Variants in PIGT observed in about 807,000 individuals in gnomAD.
The protein encoded by PIGT is GPI-anchor transamidase component PIGT.
A neutral mutation model predicts 66.7 loss-of-function variants in PIGT; 57 were observed. The ratio of observed to expected loss-of-function variants is 0.86; its 90% CI spans 0.69 to 1.07. The LOEUF is 1.07. PIGT is among the 50% of genes least tolerant of loss of function. PIGT has a pLI of 0.00. For synonymous variants in PIGT, 362 were observed against 320.5 expected, an observed-to-expected ratio of 1.13 and a Z score of -1.38; for missense variants, 725 against 740.4, an observed-to-expected ratio of 0.98 and a Z score of 0.24.
chr20:45,416,972 A>C, intron 2 of PIGT: 1 of 316,536 alleles, frequency 3.2e-6, no homozygotes, highest in Non-Finnish European at 5.8e-6. Context: ...TGGCAACTGG[A>C]TAACCTTTTA....
In PIGT at chr20:45,418,845, T is replaced by C. The variant is rs1157441158; in HGVS notation, c.366-7T>C. The C allele has an allele frequency of 1.2e-6, 2 of 1,613,682 alleles. No homozygotes were observed. Among genetic ancestry groups the C allele is most frequent in the Non-Finnish European group, 1.7e-6 (2 of 1,179,756 alleles). On this transcript the variant is annotated splice_polypyrimidine_tract_variant and splice_region_variant and intron_variant, in intron 2 of 11. Transcript: ENST00000279036. Reference sequence around the variant, plus strand: ...AGGACAGTGAGTGGATTTGTGTCTCTATCCAGTGTGGATAAATCTTGGAAG... The same window carrying C: ...AGGACAGTGAGTGGATTTGTGTCTCCATCCAGTGTGGATAAATCTTGGAAG...
intron 2 of PIGT, chr20:45,418,189 C>T (rs981596861): frequency 1.3e-5 from 2 of 154,092 alleles, no homozygotes; most frequent in African/African-American, 2.4e-5. Flanking sequence ...AGACTTCTCA[C>T]CATGATAGTA....
rs1990577886 is a variant in PIGT, at chr20:45,424,386, G to T, written c.1400+5G>T. On this transcript the variant is annotated splice_donor_5th_base_variant and intron_variant, in intron 10 of 11. Coordinates refer to ENST00000279036, the MANE Select transcript of PIGT (RefSeq NM_015937.6). ...TAACCATGGCTTCTATGTCAGGTGG[G>T]CTCCACCCCCACAGGCCACCTCTCA... 6.2e-7 allele frequency: 1 copy of T among 1,614,032 alleles called. No individual in the cohort carries two copies. Among genetic ancestry groups the T allele is most frequent in the East Asian group, 2.2e-5 (1 of 44,878 alleles).
Position 45,416,269 on chromosome 20 carries a change from C to A in PIGT, c.113C>A (p.Pro38Gln), listed in dbSNP as rs1218912444. The change falls in exon 1 of 12, where the codon CCG (proline) becomes CAG (glutamine). Residue 38 changes from proline (P) to glutamine (Q), a missense_variant. By Grantham distance (76) the Pro-to-Gln change is moderately conservative. Around this residue, in one of 3 missense-constraint regions of PIGT, gnomAD observed 559 missense variants for 552.7 expected, o/e 1.01. Transcript: ENST00000279036. ...CTGCGGGAGGAACTTGTCATCACCC[C>A]GCTGCCTTCCGGGGACGTAGCCGCC... ...DSLREELVIT[P>Q]LPSGDVAATF... The A allele has an allele frequency of 1.9e-6, 3 of 1,594,660 alleles. No individual in the cohort carries two copies. The highest frequency in any genetic ancestry group is 1.8e-5 in the Admixed American group (1 of 57,108).
rs1412564068 is a variant in PIGT, at chr20:45,416,212, G to T, written c.56G>T (p.Gly19Val). 6.3e-7 allele frequency: 1 copy of T among 1,594,000 alleles called. No individual in the cohort carries two copies. Among genetic ancestry groups the T allele is most frequent in the East Asian group, 2.3e-5 (1 of 43,556 alleles). Residue 19 changes from glycine (G) to valine (V), a missense_variant, in exon 1 of 12, where the codon GGC (glycine) becomes GTC (valine). Around this residue, in one of 3 missense-constraint regions of PIGT, gnomAD observed 559 missense variants for 552.7 expected, o/e 1.01. Coordinates refer to ENST00000279036, the MANE Select transcript of PIGT (RefSeq NM_015937.6). ...GTCCTGTTGCTCCTGGGGCCCGGCG[G>T]CTGGTGCCTTGCAGAACCCCCACGC... ...LLVLLLLGPG[G>V]WCLAEPPRDS...
Position 45,416,526 on chromosome 20 carries a change from A to G in PIGT, c.197A>G (p.Tyr66Cys), listed in dbSNP as rs1989985883. ...SELQREGVSH[Y>C]RLFPKALGQL... ...GCTCCCGTTTCCCCAGTGTCCCATTACAGGCTCTTTCCCAAAGCCCTGGGG... is the reference window on the plus strand; with the variant it reads ...GCTCCCGTTTCCCCAGTGTCCCATTGCAGGCTCTTTCCCAAAGCCCTGGGG... The change falls in exon 2 of 12, where the codon TAC becomes TGC. Residue 66 changes from tyrosine to cysteine, a missense_variant. Around this residue, in one of 3 missense-constraint regions of PIGT, gnomAD observed 559 missense variants for 552.7 expected, o/e 1.01. Coordinates refer to ENST00000279036, the MANE Select transcript of PIGT (RefSeq NM_015937.6). 9.9e-6 allele frequency: 16 copies of G among 1,614,042 alleles called. No individual in the cohort carries two copies. In the East Asian group the frequency reaches 1.8e-4, roughly 18 times the overall value.
In PIGT at chr20:45,416,149, C is replaced by G. The variant is rs759999528; in HGVS notation, c.-8C>G. The stretch of plus-strand genomic sequence containing the variant: ...AGCGCCGCTGGGTAGGCGGAAGTAG[C>G]CGCAGGCATGGCGGCGGCTATGCCG... On this transcript the variant is annotated 5_prime_UTR_variant, in exon 1 of 12. Coordinates refer to ENST00000279036, the MANE Select transcript of PIGT (RefSeq NM_015937.6). 3 of 1,549,752 alleles carry G rather than the reference C, an allele frequency of 1.9e-6. No individual in the cohort carries two copies. The highest frequency in any genetic ancestry group is 1.4e-5 in the African/African-American group (1 of 72,936).
intron 9 of PIGT, chr20:45,423,869 A>T: frequency 3.3e-6 from 1 of 306,054 alleles, no homozygotes; most frequent in East Asian, 6.7e-5. Context: ...GATTAGATTC[A>T]TGTCCCACAT....
chr20:45,425,674 A>G lies in PIGT; in HGVS notation c.1585A>G (p.Ile529Val). ...TPDFSMPYNV[I>V]CLTCTVVAVC... ...GGACTTCAGCATGCCCTACAACGTG[A>G]TCTGCCTCACGTGCACTGTGGTGGC... Residue 529 changes from isoleucine (I) to valine (V), a missense_variant, in exon 12 of 12, where the codon ATC (isoleucine) becomes GTC (valine). Ile to Val is a conservative substitution (Grantham distance 29). This residue lies in a region of PIGT where 162 missense variants were observed against 171.1 expected (regional missense o/e 0.95). Transcript: ENST00000279036. 6.2e-7 allele frequency: 1 copy of G among 1,614,168 alleles called. No individual in the cohort carries two copies. The highest frequency in any genetic ancestry group is 1.1e-5 in the South Asian group (1 of 91,086).
At chr20:45,416,421 T>C in intron 1 of PIGT, 78 bp downstream of exon 1, 1 of 1,557,118 alleles carries the variant, frequency 6.4e-7, no homozygotes, top group East Asian at 2.3e-5. Flanking sequence ...AAGGCAAACT[T>C]TGGGGGCGGG....
rs1368671414 is a variant in PIGT, at chr20:45,423,958, G to A, written c.1235-258G>A. 1.6e-5 allele frequency: 8 copies of A among 487,670 alleles called. No homozygotes were observed. The Admixed American group carries it at 2.3e-4, about 14-fold the overall frequency. The allele number at this position is 487,670 out of a possible 1,614,324, so 30.2% of individuals were successfully genotyped here. A position where few individuals can be genotyped will look rare whatever the true frequency, so the allele number is the denominator to read the frequency against. On this transcript the variant is annotated intron_variant, in intron 9 of 11. Transcript: ENST00000279036. The stretch of plus-strand genomic sequence containing the variant: ...CAGGCACTTGGTGTCTGGTGCCCCA[G>A]TTGTAGTGATGTGAAGATTGATTAG...
chr20:45,418,664 G>A, intron 2 of PIGT, 188 bp from the exon 3 acceptor site: 1 of 612,200 alleles, frequency 1.6e-6, no homozygotes, highest in South Asian at 1.8e-5. Flanking sequence ...AGGAAGAAGG[G>A]GCTGAGTAGG....
intron 9 of PIGT, chr20:45,423,027 T>C (rs1308389143): frequency 6.7e-6 from 1 of 149,678 alleles, no homozygotes; most frequent in East Asian, 2.0e-4. Context: ...GACAACATTG[T>C]GAGGCTCCCC....
At chr20:45,419,811 G>C (rs549929204) in intron 5 of PIGT, 3 of 601,134 alleles carry the variant, frequency 5.0e-6, no homozygotes, top group Non-Finnish European at 8.9e-6. Context: ...ATAGCTATGC[G>C]GGTGCAATTG....
chr20:45,421,326 G>A (rs1172933454), intron 8 of PIGT, 57 bp from the exon 9 acceptor site: 1 of 1,460,652 alleles, frequency 6.8e-7, no homozygotes, highest in East Asian at 2.4e-5. Flanking sequence ...GGGCAGGTGG[G>A]GTGGGGAGTG....
intron 9 of PIGT, chr20:45,421,904 A>C: frequency 8.9e-6 from 2 of 225,950 alleles, no homozygotes; most frequent in Non-Finnish European, 8.6e-6. Context: ...TAGACTCTTT[A>C]AGGTAGGGAA....
At chr20:45,424,756 AT>A in intron 11 of PIGT, 177 bp downstream of exon 11, 1 of 600,694 alleles carries the variant, frequency 1.7e-6, no homozygotes, top group Non-Finnish European at 3.0e-6. Flanking sequence ...TGAAGACTTT[AT>A]AAAATGATTT....
chr20:45,422,340 T>G (rs1990417685), intron 9 of PIGT: 2 of 152,212 alleles, frequency 1.3e-5, no homozygotes, highest in Admixed American at 1.3e-4. Context: ...AACTGCATAT[T>G]CTATAGGTTT....
chr20:45,420,683 C>G lies in PIGT; in HGVS notation c.1023C>G (p.Pro341=). The change falls in exon 8 of 12, where the codon CCC becomes CCG. Residue 341 remains proline (P), a synonymous_variant. Coordinates refer to ENST00000279036, the MANE Select transcript of PIGT (RefSeq NM_015937.6). ...NLNIQLKWKR[P]PENEAPPVPF... ...ACATCCAGCTCAAGTGGAAGAGACCCCCAGAGAATGGTGAGTGGGTGGTTG... is the reference window on the plus strand; with the variant it reads ...ACATCCAGCTCAAGTGGAAGAGACCGCCAGAGAATGGTGAGTGGGTGGTTG... 6.2e-7 allele frequency: 1 copy of G among 1,613,892 alleles called. No individual in the cohort carries two copies.
Sources: gnomAD v4.1 joint callset for allele counts on GRCh38, gnomAD v4.1.1 for gene constraint, gnomAD v4.1.1 regional missense constraint, MANE v1.5 for transcripts, NCBI Gene and HGNC (gene_info 2026-07-23, HGNC 2026-07-21) for gene names.